Variants in TRPM3 observed in about 807,000 individuals in gnomAD.
TRPM3 encodes transient receptor potential cation channel subfamily M member 3.
In TRPM3, 77 loss-of-function variants were observed where a neutral mutation model predicts 181.2. The observed-to-expected ratio is 0.42, with a 90% confidence interval of 0.35 to 0.51. The LOEUF (loss-of-function observed/expected upper bound fraction) is 0.51, where lower values mean the gene tolerates loss of function less well. Ranked by LOEUF, TRPM3 falls within the 20% of genes least tolerant of loss-of-function variation. TRPM3 has a pLI of 0.01. For missense variants in TRPM3, 1,759 were observed against 2,196.7 expected (o/e 0.80, Z 3.98); for synonymous variants, 745 against 796.4 (o/e 0.94, Z 1.09).
intron 12 of TRPM3, among the ~76,000 whole-genome samples, chr9:70,633,840 T>C (rs531784432): frequency 4.6e-5 from 7 of 152,344 alleles, no homozygotes; most frequent in African/African-American, 7.2e-5. Context: ...CTGTGGACTT[T>C]GGTGAAGAAT....
chr9:70,576,554 G>A (rs1017881632), intron 22 of TRPM3, among the ~76,000 whole-genome samples: 4 of 147,238 alleles, frequency 2.7e-5, no homozygotes, highest in African/African-American at 5.1e-5. Context: ...TTGCTCGGTC[G>A]CCCAGACTAG....
chr9:71,382,271 A>G (rs1321478586), intron 1 of TRPM3, among the ~76,000 whole-genome samples: 2 of 152,180 alleles, frequency 1.3e-5, no homozygotes, highest in South Asian at 2.1e-4. Flanking sequence ...TGCTTAAATT[A>G]TAAGTAAAAG....
intron 3 of TRPM3, among the ~76,000 whole-genome samples, 190 bp from the exon 4 acceptor site, chr9:70,846,781 G>T (rs2094974344): frequency 6.6e-6 from 1 of 152,056 alleles, no homozygotes. Context: ...ATTTTTAAAG[G>T]CTTTCTTGAA....
chr9:70,835,900 T>C (rs2094289476), intron 5 of TRPM3, among the ~76,000 whole-genome samples: 1 of 152,054 alleles, frequency 6.6e-6, no homozygotes, highest in Admixed American at 6.6e-5. Flanking sequence ...CCCAGAAACA[T>C]CCATCACCAG....
chr9:71,117,725 C>T, intron 1 of TRPM3, among the ~76,000 whole-genome samples: 1 of 152,092 alleles, frequency 6.6e-6, no homozygotes, highest in Middle Eastern at 3.2e-3. Flanking sequence ...AGTGAGCAAA[C>T]TCATATGATT....
At chr9:70,761,433 G>T in intron 8 of TRPM3, 168 bp downstream of exon 8, 1 of 832,262 alleles carries the variant, frequency 1.2e-6, no homozygotes, top group African/African-American at 1.7e-5. Flanking sequence ...AGTAAAAGCA[G>T]TGTCTTAGTT....
chr9:71,007,991 A>AT (rs909651974), intron 1 of TRPM3, among the ~76,000 whole-genome samples: 9 of 152,218 alleles, frequency 5.9e-5, no homozygotes, highest in Non-Finnish European at 1.2e-4. Flanking sequence ...CGAAGAGTGC[A>AT]TTTTTTGAAA....
chr9:71,197,291 T>C (rs1473103758), intron 1 of TRPM3, among the ~76,000 whole-genome samples: 4 of 152,152 alleles, frequency 2.6e-5, no homozygotes, highest in African/African-American at 9.7e-5. Context: ...TTCGCTTGGT[T>C]CCAAGTCTTT....
At chr9:71,191,934 A>G (rs2078055664) in intron 1 of TRPM3, among the ~76,000 whole-genome samples, 1 of 151,754 alleles carries the variant, frequency 6.6e-6, no homozygotes, top group South Asian at 2.1e-4. Flanking sequence ...ATGGGGAGGT[A>G]ACTATGTGCT....
intron 6 of TRPM3, among the ~76,000 whole-genome samples, chr9:70,790,681 T>G (rs1338064605): frequency 1.3e-5 from 2 of 152,188 alleles, no homozygotes; most frequent in African/African-American, 2.4e-5. Context: ...CTTGATATCT[T>G]TAACTAATGC....
At chr9:70,615,762 T>C in intron 18 of TRPM3, 146 bp downstream of exon 18, 1 of 790,392 alleles carries the variant, frequency 1.3e-6, no homozygotes, top group South Asian at 2.2e-5. Flanking sequence ...GTCTCAATAC[T>C]GAAATGAAAG....
intron 1 of TRPM3, among the ~76,000 whole-genome samples, chr9:71,111,077 A>T (rs2070967290): frequency 6.6e-6 from 1 of 152,200 alleles, no homozygotes; most frequent in Admixed American, 6.6e-5. Context: ...CTTTTGATTT[A>T]AAAAACAACA....
chr9:70,565,394 A>G (rs983201268), intron 22 of TRPM3, among the ~76,000 whole-genome samples: 4 of 152,124 alleles, frequency 2.6e-5, no homozygotes, highest in Non-Finnish European at 5.9e-5. Flanking sequence ...CCTGGGTTCA[A>G]GTGATTCTCC....
intron 6 of TRPM3, among the ~76,000 whole-genome samples, chr9:70,806,276 G>A (rs1356763291): frequency 2.1e-5 from 3 of 145,666 alleles, no homozygotes; most frequent in Non-Finnish European, 4.5e-5. Flanking sequence ...TCAGCTATGG[G>A]TGCCAAAAAA....
At chr9:71,099,609 T>C (rs570977706) in intron 1 of TRPM3, among the ~76,000 whole-genome samples, 1 of 151,986 alleles carries the variant, frequency 6.6e-6, no homozygotes, top group African/African-American at 2.4e-5. Context: ...TTAGATGGGT[T>C]CCCCCCCTCA....
At chr9:71,426,866 T>G (rs1167790747) in intron 1 of TRPM3, among the ~76,000 whole-genome samples, 1 of 152,150 alleles carries the variant, frequency 6.6e-6, no homozygotes, top group East Asian at 1.9e-4. Context: ...AATTCTCGAT[T>G]TTTTTCCTCT....
At chr9:71,076,556 G>C (rs1425912148) in intron 1 of TRPM3, among the ~76,000 whole-genome samples, 1 of 152,108 alleles carries the variant, frequency 6.6e-6, no homozygotes, top group Non-Finnish European at 1.5e-5. Flanking sequence ...TTAGCACGAT[G>C]AACAACACCC....
rs546025450 is a variant in TRPM3 at position 71,063,899 on chromosome 9, G to A, written c.177+57279C>T. On this transcript the variant is annotated intron_variant, in intron 1 of 25. Coordinates refer to ENST00000677713, the MANE Select transcript of TRPM3 (RefSeq NM_001366145.2). ...GGAAGAGACTGAAAGTCATTGAATA[G>A]AGATCTAGAAAGGACCCAGAACTAA... is the stretch of plus-strand genomic sequence containing the variant. 1.3e-5 allele frequency among the ~76,000 whole-genome samples: 2 copies of A among 152,164 alleles called. 1 individual carries two copies. The highest frequency in any genetic ancestry group is 1.3e-4 in the Admixed American group (2 of 15,268).
chr9:70,569,207 C>T (rs934338281), intron 22 of TRPM3, among the ~76,000 whole-genome samples: 8 of 152,152 alleles, frequency 5.3e-5, no homozygotes, highest in Non-Finnish European at 4.4e-5. Context: ...GTTTATCCTG[C>T]ATCTGTTTTT....
Sources: gnomAD v4.1 joint callset for allele counts (sites outside exome capture counted in the v4.1 genomes callset) on GRCh38, gnomAD v4.1.1 for gene constraint, MANE v1.5 for transcripts, NCBI Gene and HGNC (gene_info 2026-07-23, HGNC 2026-07-21) for gene names.